ERH: variants seen among roughly 807,000 people sequenced by gnomAD.
ERH encodes enhancer of rudimentary homolog.
Under a neutral mutation model 16.8 loss-of-function variants are expected in ERH, and 1 was observed. The ratio of observed to expected loss-of-function variants is 0.06; its 90% CI spans 0.02 to 0.28. The LOEUF (loss-of-function observed/expected upper bound fraction) is 0.28, where lower values mean the gene tolerates loss of function less well. Ranked by LOEUF, ERH falls within the 10% of genes least tolerant of loss-of-function variation. The pLI is 1.00. For missense variants in ERH, 42 were observed against 127.5 expected (o/e 0.33, Z 3.23); for synonymous variants, 43 against 43.6 (o/e 0.99, Z 0.05).
chr14:69,394,804 C>T lies in ERH; in HGVS notation c.91+21G>A, dbSNP rs768659233. 1.0e-5 allele frequency: 16 copies of T among 1,576,692 alleles called. No individual in the cohort carries two copies. In the East Asian group the frequency reaches 3.6e-4, roughly 35 times the overall value. ...TCCTAAATGAGACATTTTTCTACCC[C>T]TTGATTAGTGTTAAACTCACCTTCC... On this transcript the variant is annotated intron_variant, in intron 2 of 3. Transcript: ENST00000557016.
intron 3 of ERH, among the ~76,000 whole-genome samples, chr14:69,382,839 G>A (rs561057828): frequency 1.3e-5 from 2 of 151,256 alleles, no homozygotes; most frequent in South Asian, 4.2e-4. Flanking sequence ...GGAAAGCTGT[G>A]TGTCGATGGC....
At chr14:69,396,349 C>T (rs1882333033) in intron 1 of ERH, among the ~76,000 whole-genome samples, 2 of 152,252 alleles carry the variant, frequency 1.3e-5, no homozygotes, top group Admixed American at 6.5e-5. Context: ...GCAACCTCTG[C>T]TTTCCGGGTT....
At chr14:69,388,861 A>G (rs2045907873) in intron 2 of ERH, among the ~76,000 whole-genome samples, 1 of 152,246 alleles carries the variant, frequency 6.6e-6, no homozygotes, top group African/African-American at 2.4e-5. Flanking sequence ...TAAAAACACT[A>G]TTCAACCACA....
chr14:69,386,078 T>TCA (rs1056189029), intron 3 of ERH, among the ~76,000 whole-genome samples: 1 of 152,220 alleles, frequency 6.6e-6, no homozygotes, highest in African/African-American at 2.4e-5. Context: ...CATGCAACAT[T>TCA]CATTTGAATG....
chr14:69,382,810 G>T (rs1338972239), intron 3 of ERH, among the ~76,000 whole-genome samples: 2 of 136,844 alleles, frequency 1.5e-5, no homozygotes, highest in African/African-American at 5.4e-5. Flanking sequence ...AAAAAAAAAA[G>T]CAATAATGCC....
chr14:69,395,151 C>G (rs1265137098), intron 1 of ERH, among the ~76,000 whole-genome samples: 2 of 151,932 alleles, frequency 1.3e-5, no homozygotes, highest in Non-Finnish European at 1.5e-5. Flanking sequence ...CCTGTCTCTA[C>G]AAAAAAATAA....
chr14:69,387,801 T>G (rs937198955), intron 2 of ERH, among the ~76,000 whole-genome samples: 2 of 151,928 alleles, frequency 1.3e-5, no homozygotes, highest in African/African-American at 4.8e-5. Context: ...TCCCAGCACT[T>G]TGGGAGGCCA....
In ERH at chr14:69,380,439, G is replaced by A. The variant is rs1023626558; in HGVS notation, c.*99C>T. ...TCAATCTTGGCTAGAGTATAACAAA[G>A]TGGAAACAGGATTACTATGATACAA... is the stretch of plus-strand genomic sequence containing the variant. On this transcript the variant is annotated 3_prime_UTR_variant, in exon 4 of 4. Coordinates refer to ENST00000557016, the MANE Select transcript of ERH (RefSeq NM_004450.3). 6.0e-6 allele frequency: 4 copies of A among 664,038 alleles called. No individual in the cohort carries two copies. Among genetic ancestry groups the A allele is most frequent in the African/African-American group, 3.6e-5 (2 of 56,092 alleles). The allele number at this position is 664,038 out of a possible 1,614,324, so 41.1% of individuals were successfully genotyped here.
intron 3 of ERH, among the ~76,000 whole-genome samples, chr14:69,383,194 T>C (rs895750649): frequency 8.5e-5 from 13 of 152,250 alleles, no homozygotes; most frequent in African/African-American, 3.1e-4. Flanking sequence ...AAAATCTGAC[T>C]CTGACTTTAA....
At chr14:69,384,701 C>T (rs1044936490) in intron 3 of ERH, among the ~76,000 whole-genome samples, 1 of 146,186 alleles carries the variant, frequency 6.8e-6, no homozygotes, top group Non-Finnish European at 1.5e-5. Flanking sequence ...AAAGCTATTC[C>T]TCAAATAACA....
At chr14:69,388,274 A>G (rs1445822836) in intron 2 of ERH, among the ~76,000 whole-genome samples, 3 of 152,228 alleles carry the variant, frequency 2.0e-5, no homozygotes, top group Non-Finnish European at 4.4e-5. Flanking sequence ...AAAGATAATG[A>G]GCAAAATCAT....
intron 3 of ERH, 72 bp downstream of exon 3, chr14:69,386,891 C>A: frequency 6.7e-7 from 1 of 1,488,824 alleles, no homozygotes; most frequent in Non-Finnish European, 9.3e-7. Flanking sequence ...GCTCCCAATA[C>A]CATAAATCAC....
chr14:69,387,145 G>A, intron 2 of ERH, 62 bp from the exon 3 acceptor site: 1 of 1,412,162 alleles, frequency 7.1e-7, no homozygotes, highest in Non-Finnish European at 9.9e-7. Context: ...GATATGAGCA[G>A]TGCTTATGAG....
intron 2 of ERH, among the ~76,000 whole-genome samples, chr14:69,393,863 A>T (rs1268278668): frequency 6.6e-6 from 1 of 152,134 alleles, no homozygotes; most frequent in East Asian, 1.9e-4. Context: ...CTATAAAAAA[A>T]CCAAAAAATT....
intron 2 of ERH, among the ~76,000 whole-genome samples, chr14:69,393,624 G>A (rs1430840458): frequency 6.6e-6 from 1 of 151,942 alleles, no homozygotes; most frequent in Non-Finnish European, 1.5e-5. Flanking sequence ...CACATGGACA[G>A]ACAGAGTGGA....
At chr14:69,390,909 T>C (rs1050125845) in intron 2 of ERH, among the ~76,000 whole-genome samples, 4 of 152,236 alleles carry the variant, frequency 2.6e-5, no homozygotes. Flanking sequence ...GATGACATTG[T>C]ATGTCATTAG....
At chr14:69,383,976 T>C (rs909179075) in intron 3 of ERH, among the ~76,000 whole-genome samples, 1 of 152,128 alleles carries the variant, frequency 6.6e-6, no homozygotes, top group Admixed American at 6.5e-5. Context: ...AGCAAGACCC[T>C]GTCTCTAAAA....
rs186539992 is a variant in ERH at position 69,387,871 on chromosome 14, T to C, written c.92-788A>G. On this transcript the variant is annotated intron_variant, in intron 2 of 3. Coordinates refer to ENST00000557016, the MANE Select transcript of ERH (RefSeq NM_004450.3). ...CATCCTGGCCAACACAGTGAAACCCTGTCTCTACTAAAAAAATACAAAAAA... is the reference window on the plus strand; with the variant it reads ...CATCCTGGCCAACACAGTGAAACCCCGTCTCTACTAAAAAAATACAAAAAA... Among the ~76,000 whole-genome samples the C allele has an allele frequency of 4.2e-3, 645 of 152,052 alleles. 5 individuals carry two copies. Among genetic ancestry groups the C allele is most frequent in the African/African-American group, 0.011 (462 of 41,482 alleles).
chr14:69,394,739 G>C (rs1882296200), intron 2 of ERH, 86 bp downstream of exon 2: 2 of 797,894 alleles, frequency 2.5e-6, no homozygotes, highest in East Asian at 5.2e-5. Flanking sequence ...GGGGTGGATG[G>C]ACTATTAAAA....
Sources: allele counts gnomAD v4.1 joint callset (sites outside exome capture counted in the v4.1 genomes callset), GRCh38; gene constraint gnomAD v4.1.1; transcripts MANE v1.5; gene names NCBI Gene and HGNC (gene_info 2026-07-23, HGNC 2026-07-21).